Variants in CYTH4 observed in about 807,000 individuals in gnomAD.
CYTH4 encodes the protein cytohesin 4.
CYTH4 carries 22 observed loss-of-function variants against 57.5 expected under a neutral mutation model. That is an observed-to-expected ratio of 0.38 (90% CI 0.27 to 0.55). The LOEUF is 0.55. CYTH4 is among the 20% of genes least tolerant of loss of function. CYTH4 has a pLI of 0.74. For missense variants in CYTH4, 420 were observed against 535.6 expected (o/e 0.78, Z 2.13); for synonymous variants, 186 against 206.5 (o/e 0.90, Z 0.85).
chr22:37,292,848 C>A, intron 2 of CYTH4, 145 bp downstream of exon 2: 1 of 723,260 alleles, frequency 1.4e-6, no homozygotes, highest in Non-Finnish European at 2.2e-6. Context: ...GCCCCAGGAG[C>A]AGGGAGAACA....
In CYTH4 at chr22:37,311,899, T is replaced by G. The variant is rs762358959; in HGVS notation, c.958-121T>G. On this transcript the variant is annotated intron_variant, in intron 11 of 12. Coordinates refer to ENST00000248901, the MANE Select transcript of CYTH4 (RefSeq NM_013385.5). The surrounding 1 kb of genome is among the most constrained non-coding windows in gnomAD (Gnocchi z 4.4). Reference sequence around the variant, plus strand: ...GTGTGGGAGCAGCAGCTCCTGCCCCTTCGCCTGTCGTAGGGCTGTCACGCT... The same window carrying G: ...GTGTGGGAGCAGCAGCTCCTGCCCCGTCGCCTGTCGTAGGGCTGTCACGCT... 100 of 1,289,802 alleles carry G rather than the reference T, an allele frequency of 7.8e-5. No homozygotes were observed. In the Middle Eastern group the frequency reaches 3.6e-3, roughly 47 times the overall value. 79.9% of individuals were successfully genotyped at this position (1,289,802 alleles called of 1,614,324 possible).
In CYTH4 at chr22:37,314,666, C is replaced by A; in HGVS notation, c.*1155C>A. The A allele has an allele frequency of 2.7e-6, 1 of 369,118 alleles. No individual in the cohort carries two copies. The highest frequency in any genetic ancestry group is 1.5e-4 in the South Asian group (1 of 6,728). The allele number at this position is 369,118 out of a possible 1,614,324, so 22.9% of individuals were successfully genotyped here. ...GTAGAGCTGACTTCCAGTACCCGGG[C>A]AGCCAGCTCTGTCTCCAGGGAGGCC... On this transcript the variant is annotated 3_prime_UTR_variant, in exon 13 of 13. Coordinates refer to ENST00000248901, the MANE Select transcript of CYTH4 (RefSeq NM_013385.5).
chr22:37,312,323 T>A, intron 12 of CYTH4, 149 bp downstream of exon 12: 2 of 1,160,926 alleles, frequency 1.7e-6, no homozygotes, highest in South Asian at 1.6e-5. Flanking sequence ...CCGTATTCCA[T>A]GGGTACTTTC....
intron 1 of CYTH4, among the ~76,000 whole-genome samples, chr22:37,289,627 G>GCTCCT (rs1928679670): frequency 6.6e-6 from 1 of 152,190 alleles, no homozygotes; most frequent in Admixed American, 6.5e-5. Flanking sequence ...GGAGCCTACT[G>GCTCCT]GAGCCCTCTG....
chr22:37,309,764 A>T (rs1929567069), intron 9 of CYTH4, among the ~76,000 whole-genome samples: 3 of 152,232 alleles, frequency 2.0e-5, no homozygotes, highest in Non-Finnish European at 4.4e-5. Flanking sequence ...CCAGGGGCAG[A>T]TTTGAGGGCA....
chr22:37,292,293 G>T (rs1027578371), intron 1 of CYTH4: 28 of 301,512 alleles, frequency 9.3e-5, no homozygotes, highest in African/African-American at 6.0e-4. Flanking sequence ...CTTTCTAGGT[G>T]CTGGGGACAC....
chr22:37,300,846 C>T (rs1462207998), intron 6 of CYTH4, 61 bp from the exon 7 acceptor site: 1 of 1,414,720 alleles, frequency 7.1e-7, no homozygotes, highest in East Asian at 2.4e-5. Flanking sequence ...GGCAGGGCAG[C>T]TTGTCTGGGG....
chr22:37,294,767 C>T (rs181790973), intron 3 of CYTH4, 43 bp downstream of exon 3: 23 of 1,609,560 alleles, frequency 1.4e-5, no homozygotes, highest in African/African-American at 1.3e-4. Flanking sequence ...GCCATGGTTG[C>T]TTCCCAAGGA....
chr22:37,301,266 CACCCCTTTCTGAGGGCAGGAGT>C, intron 7 of CYTH4, among the ~76,000 whole-genome samples: 1 of 152,294 alleles, frequency 6.6e-6, no homozygotes, highest in Non-Finnish European at 1.5e-5. Flanking sequence ...AAGGCAGCAG[CACCCCTTTCTGAGGGCAGGAGT>C]AAGGGAATCA....
At chr22:37,305,475 C>T (rs1929360355) in intron 8 of CYTH4, among the ~76,000 whole-genome samples, 1 of 152,176 alleles carries the variant, frequency 6.6e-6, no homozygotes, top group South Asian at 2.1e-4. Flanking sequence ...AGGAAAGTGG[C>T]TTGACCTCTC....
chr22:37,300,789 G>C, intron 6 of CYTH4, 118 bp from the exon 7 acceptor site: 1 of 800,990 alleles, frequency 1.2e-6, no homozygotes, highest in Non-Finnish European at 2.0e-6. Context: ...CCAGATGACA[G>C]TTGCAGATTC....
In CYTH4 at chr22:37,295,955, TCAG is replaced by T; in HGVS notation, c.168-43_168-41del. 1 of 1,590,874 alleles carries T rather than the reference TCAG, an allele frequency of 6.3e-7. No individual in the cohort carries two copies. The highest frequency in any genetic ancestry group is 8.6e-7 in the Non-Finnish European group (1 of 1,166,080). The stretch of plus-strand genomic sequence containing the variant: ...GTCCTTGGGGAGTGGAGAGGGTAAT[TCAG>T]GGTCCTGGGGCAGCCCAAGCTGACG... On this transcript the variant is annotated intron_variant, in intron 3 of 12. Coordinates refer to ENST00000248901, the MANE Select transcript of CYTH4 (RefSeq NM_013385.5). This position sits in a 1 kb window ranked among gnomAD's most constrained non-coding sequence, Gnocchi z 4.1.
intron 7 of CYTH4, among the ~76,000 whole-genome samples, chr22:37,301,533 G>A (rs994214529): frequency 6.6e-6 from 1 of 151,914 alleles, no homozygotes; most frequent in African/African-American, 2.4e-5. Flanking sequence ...CTAACCCAAT[G>A]CCCATGTGAA....
intron 2 of CYTH4, among the ~76,000 whole-genome samples, chr22:37,293,802 C>T (rs1210304147): frequency 1.3e-5 from 2 of 152,086 alleles, no homozygotes; most frequent in African/African-American, 2.4e-5. Flanking sequence ...CACTGGGTGC[C>T]TCCTGCAGGG....
chr22:37,292,761 C>T (rs1399014758), intron 2 of CYTH4, 58 bp downstream of exon 2: 29 of 1,552,520 alleles, frequency 1.9e-5, no homozygotes, highest in East Asian at 4.5e-5. Context: ...CACGCTTGTA[C>T]GCACCCCACC....
chr22:37,292,479 C>A, intron 1 of CYTH4, 142 bp from the exon 2 acceptor site: 2 of 752,286 alleles, frequency 2.7e-6, no homozygotes, highest in Non-Finnish European at 4.5e-6. Flanking sequence ...ACAGGGCAGT[C>A]AGGGGAGGCT....
chr22:37,294,006 CACTTAGTCAAGGGTGAGCA>C (rs1222755200), intron 2 of CYTH4, among the ~76,000 whole-genome samples: 1 of 151,288 alleles, frequency 6.6e-6, no homozygotes, highest in Admixed American at 6.6e-5. Context: ...ACATAGCGGG[CACTTAGTCAAGGGTGAGCA>C]ACATAGTAAA....
At chr22:37,300,754 G>A in intron 6 of CYTH4, 153 bp from the exon 7 acceptor site, 1 of 644,270 alleles carries the variant, frequency 1.6e-6, no homozygotes, top group South Asian at 1.9e-5. Context: ...GGGCTCCCTG[G>A]TGCCCATCCC....
intron 5 of CYTH4, 146 bp downstream of exon 5, chr22:37,297,828 A>T: frequency 1.5e-6 from 1 of 651,226 alleles, no homozygotes; most frequent in Non-Finnish European, 2.7e-6. Flanking sequence ...TCCCCTCCAG[A>T]TTCTGAGTCA....
Sources: gnomAD v4.1 joint callset for allele counts (sites outside exome capture counted in the v4.1 genomes callset) on GRCh38, gnomAD v4.1.1 for gene constraint, Gnocchi (gnomAD v3.1) non-coding constraint, MANE v1.5 for transcripts, NCBI Gene and HGNC (gene_info 2026-07-23, HGNC 2026-07-21) for gene names.